TTC13: variants seen among roughly 807,000 people sequenced by gnomAD.
TTC13 encodes the protein tetratricopeptide repeat domain 13.
In TTC13, 62 loss-of-function variants were observed where a neutral mutation model predicts 120.0. The ratio of observed to expected loss-of-function variants is 0.52; its 90% CI spans 0.42 to 0.64. The LOEUF is 0.64. TTC13 is among the 30% of genes least tolerant of loss of function. The probability of loss-of-function intolerance (pLI) is 0.00; values close to 1 mark genes in which losing one functional copy is unlikely to be tolerated. For missense variants in TTC13, 824 were observed against 1,050.2 expected, an observed-to-expected ratio of 0.78 and a Z score of 2.98; for synonymous variants, 384 against 393.5, an observed-to-expected ratio of 0.98 and a Z score of 0.28.
intron 1 of TTC13, among the ~76,000 whole-genome samples, chr1:230,963,273 A>G (rs1676812878): frequency 6.6e-6 from 1 of 152,174 alleles, no homozygotes; most frequent in South Asian, 2.1e-4. Flanking sequence ...GATATGGTGA[A>G]GAAGCCCTGG....
At chr1:230,976,084 A>G (rs1197766247) in intron 1 of TTC13, among the ~76,000 whole-genome samples, 1 of 152,214 alleles carries the variant, frequency 6.6e-6, no homozygotes, top group East Asian at 1.9e-4. Context: ...AAGATTCTGA[A>G]AAGTGGTTGT....
intron 13 of TTC13, 60 bp downstream of exon 13, chr1:230,925,457 C>T: frequency 6.3e-7 from 1 of 1,589,778 alleles, no homozygotes; most frequent in Admixed American, 1.7e-5. Context: ...CACAACATGG[C>T]TTAACCACCC....
rs767035928 is a variant in TTC13, at chr1:230,931,768, C to T, written c.1093G>A (p.Gly365Ser). The T allele has an allele frequency of 1.2e-5, 19 of 1,614,070 alleles. No individual in the cohort carries two copies. Among genetic ancestry groups the T allele is most frequent in the Middle Eastern group, 1.7e-4 (1 of 6,060 alleles). ...QLRGMMLYHHGSLQEALKNFK... is the reference protein window; with the variant it reads ...QLRGMMLYHHSSLQEALKNFK... ...TTCTTAAGGGCTTCCTGTAAGCTGC[C>T]GTGGTGGTAGAGCATCATTCCCCGG... is the stretch of plus-strand genomic sequence containing the variant. Residue 365 changes from glycine to serine, a missense_variant, in exon 10 of 23, where the codon GGC (glycine) becomes AGC (serine). Transcript: ENST00000366661.
intron 4 of TTC13, among the ~76,000 whole-genome samples, chr1:230,947,968 AGCCACT>A (rs1381467003): frequency 6.6e-6 from 1 of 152,068 alleles, no homozygotes; most frequent in Non-Finnish European, 1.5e-5. Context: ...CCACTCCATC[AGCCACT>A]GCCCTATTCT....
chr1:230,914,543 C>T (rs527857525), intron 18 of TTC13, among the ~76,000 whole-genome samples: 2 of 152,040 alleles, frequency 1.3e-5, no homozygotes, highest in East Asian at 1.9e-4. Context: ...TACAGGTGCG[C>T]GCCACCAGGC....
intron 1 of TTC13, among the ~76,000 whole-genome samples, chr1:230,970,210 C>G (rs1218167134): frequency 6.6e-6 from 1 of 152,122 alleles, no homozygotes; most frequent in African/African-American, 2.4e-5. Context: ...CTTCTTTCCT[C>G]TCCTCCTAAA....
chr1:230,912,814 C>T, intron 18 of TTC13, 56 bp from the exon 19 acceptor site: 1 of 1,541,348 alleles, frequency 6.5e-7, no homozygotes, highest in Non-Finnish European at 8.7e-7. Context: ...AACAGCCAAA[C>T]ACAGAAAGTT....
At chr1:230,912,508 A>G in intron 19 of TTC13, 115 bp downstream of exon 19, 1 of 1,218,650 alleles carries the variant, frequency 8.2e-7, no homozygotes, top group Non-Finnish European at 1.2e-6. Context: ...TTTTTAGGTC[A>G]ATTCAACCCA....
intron 17 of TTC13, among the ~76,000 whole-genome samples, chr1:230,919,112 C>T (rs1414364790): frequency 6.6e-6 from 1 of 152,166 alleles, no homozygotes; most frequent in Non-Finnish European, 1.5e-5. Context: ...TATTGCCACA[C>T]ATACTTTTCT....
At chr1:230,963,785 A>C (rs1189636980) in intron 1 of TTC13, among the ~76,000 whole-genome samples, 5 of 152,208 alleles carry the variant, frequency 3.3e-5, no homozygotes, top group African/African-American at 9.6e-5. Context: ...TGCAAAGGGC[A>C]GCGAGGAGAC....
At chr1:230,917,217 G>A (rs962094884) in intron 17 of TTC13, among the ~76,000 whole-genome samples, 1 of 152,184 alleles carries the variant, frequency 6.6e-6, no homozygotes, top group African/African-American at 2.4e-5. Flanking sequence ...GAAGAAATGC[G>A]TTAACACACT....
At chr1:230,933,698 TC>T (rs1411193786) in intron 9 of TTC13, 80 bp downstream of exon 9, 1 of 726,546 alleles carries the variant, frequency 1.4e-6, no homozygotes, top group African/African-American at 1.8e-5. Flanking sequence ...AAATACTATT[TC>T]TTTTAAATAT....
chr1:230,974,424 A>T (rs944603655), intron 1 of TTC13, among the ~76,000 whole-genome samples: 1 of 152,172 alleles, frequency 6.6e-6, no homozygotes, highest in African/African-American at 2.4e-5. Context: ...AGACGGTAAT[A>T]CCACATTTTC....
intron 1 of TTC13, among the ~76,000 whole-genome samples, chr1:230,968,834 C>T (rs7553253): frequency 0.73 from 110,489 of 152,064 alleles, 40,621 homozygotes; most frequent in African/African-American, 0.84. Context: ...TAACTTTGGG[C>T]TTGAGTCAAG....
Position 230,921,474 on chromosome 1 carries a change from T to C in TTC13, c.1845A>G (p.Glu615=). The part of the protein sequence containing the change: ...RGQVINMRYL[E]YFEKILHFIK... ...TAAAATGAAGTATTTTCTCAAAATATTCTAGGTATCTCATGTTGATCACCT... is the reference window on the plus strand; with the variant it reads ...TAAAATGAAGTATTTTCTCAAAATACTCTAGGTATCTCATGTTGATCACCT... The change falls in exon 16 of 23, where the codon GAA becomes GAG. Residue 615 remains glutamate (E), a synonymous_variant. Coordinates refer to ENST00000366661, the MANE Select transcript of TTC13 (RefSeq NM_024525.5). 6.5e-7 allele frequency: 1 copy of C among 1,550,286 alleles called. No homozygotes were observed.
chr1:230,947,590 A>G (rs1675118781), intron 4 of TTC13, among the ~76,000 whole-genome samples: 1 of 152,212 alleles, frequency 6.6e-6, no homozygotes, highest in Admixed American at 6.5e-5. Flanking sequence ...TAATGTTTTA[A>G]GAAACTTTAC....
intron 1 of TTC13, among the ~76,000 whole-genome samples, chr1:230,973,476 T>C (rs974000640): frequency 6.6e-6 from 1 of 152,106 alleles, no homozygotes; most frequent in Non-Finnish European, 1.5e-5. Context: ...TGTGGGAAAA[T>C]AGAATAAATG....
chr1:230,939,638 A>C (rs1674373693), intron 7 of TTC13, 142 bp from the exon 8 acceptor site: 1 of 534,392 alleles, frequency 1.9e-6, no homozygotes, highest in Non-Finnish European at 3.4e-6. Flanking sequence ...TCATGACACT[A>C]TATATTGGTT....
intron 20 of TTC13, among the ~76,000 whole-genome samples, chr1:230,910,650 T>C (rs189778838): frequency 7.9e-4 from 120 of 152,358 alleles, no homozygotes; most frequent in African/African-American, 2.6e-3. Context: ...TGCTGGCTGT[T>C]GAGTACAGTG....
Sources: allele counts gnomAD v4.1 joint callset (sites outside exome capture counted in the v4.1 genomes callset), GRCh38; gene constraint gnomAD v4.1.1; transcripts MANE v1.5; gene names NCBI Gene and HGNC (gene_info 2026-07-23, HGNC 2026-07-21).